FYCO1: variants seen among roughly 807,000 people sequenced by gnomAD.
FYCO1 encodes the protein FYVE and coiled-coil domain-containing protein 1.
FYCO1 carries 122 observed loss-of-function variants against 165.1 expected under a neutral mutation model. The observed-to-expected ratio is 0.74, with a 90% CI of 0.64 to 0.86. FYCO1 has a LOEUF of 0.86. Among genes scored for constraint, FYCO1 ranks in the 40% least tolerant of loss-of-function variants. FYCO1 has a pLI of 0.00. For synonymous variants in FYCO1, 648 were observed against 742.5 expected (o/e 0.87, Z 2.07); for missense variants, 1,702 against 1,810.3 (o/e 0.94, Z 1.09).
Position 45,967,268 on chromosome 3 carries a change from T to C in FYCO1, c.2066A>G (p.Glu689Gly), listed in dbSNP as rs1427277904. ...CTCTGCCATCTGGGCTTTCATGGCC[T>C]CCTTGGCCTTCCTTACAGCCAGCAA... ...ASLLAVRKAK[E>G]AMKAQMAEKE... Residue 689 changes from glutamate to glycine, a missense_variant, in exon 8 of 18, where the codon GAG (glutamate) becomes GGG (glycine). Physicochemically the swap from Glu to Gly is moderately conservative, Grantham distance 98. Transcript: ENST00000296137. 6.2e-7 allele frequency: 1 copy of C among 1,614,018 alleles called. No homozygotes were observed. Among genetic ancestry groups the C allele is most frequent in the Non-Finnish European group, 8.5e-7 (1 of 1,179,936 alleles).
intron 16 of FYCO1, among the ~76,000 whole-genome samples, chr3:45,924,931 A>T (rs1157325700): frequency 1.3e-5 from 1 of 78,512 alleles, no homozygotes; most frequent in Non-Finnish European, 2.7e-5. Flanking sequence ...CCAACATTTA[A>T]AAAAAATTTT....
intron 1 of FYCO1, among the ~76,000 whole-genome samples, chr3:45,992,591 T>C (rs1707611480): frequency 6.6e-6 from 1 of 152,246 alleles, no homozygotes; most frequent in Non-Finnish European, 1.5e-5. Flanking sequence ...CTATCTGTCC[T>C]GGGGAAGTCA....
At chr3:45,987,249 A>G (rs1707356493) in intron 1 of FYCO1, among the ~76,000 whole-genome samples, 1 of 152,196 alleles carries the variant, frequency 6.6e-6, no homozygotes. Flanking sequence ...TCTGACTACA[A>G]AGGAGCACAG....
intron 15 of FYCO1, among the ~76,000 whole-genome samples, chr3:45,932,240 T>C (rs535656157): frequency 6.6e-6 from 1 of 152,320 alleles, no homozygotes; most frequent in Admixed American, 6.5e-5. Flanking sequence ...CTCATGATCA[T>C]GGAGACAGAG....
chr3:45,951,445 G>C (rs1043760565), intron 14 of FYCO1, among the ~76,000 whole-genome samples: 7 of 152,318 alleles, frequency 4.6e-5, no homozygotes, highest in Admixed American at 4.6e-4. Context: ...CTGCTCATCT[G>C]GTAGCTAGAG....
Position 45,967,840 on chromosome 3 carries a change from C to T in FYCO1, c.1494G>A (p.Gln498=), listed in dbSNP as rs1487349829. ...AELRREKKQQ[Q]EEKELLEQEV... ...CCTGCTCCAGCAGCTCCTTCTCCTC[C>T]TGTTGCTGTTTTTTCTCCCGCCTCA... The change falls in exon 8 of 18, where the codon CAG becomes CAA. Residue 498 remains glutamine (Q), a synonymous_variant. Coordinates refer to ENST00000296137, the MANE Select transcript of FYCO1 (RefSeq NM_024513.4). 2 of 1,614,126 alleles carry T rather than the reference C, an allele frequency of 1.2e-6. No individual in the cohort carries two copies. The highest frequency in any genetic ancestry group is 8.5e-7 in the Non-Finnish European group (1 of 1,180,024).
chr3:45,982,591 T>C (rs1249541008), intron 2 of FYCO1, among the ~76,000 whole-genome samples: 1 of 150,344 alleles, frequency 6.7e-6, no homozygotes, highest in Non-Finnish European at 1.5e-5. Context: ...ATCGAGACAC[T>C]GGATTTGGTT....
intron 1 of FYCO1, among the ~76,000 whole-genome samples, chr3:45,994,336 A>C (rs1323895044): frequency 6.6e-6 from 1 of 152,354 alleles, no homozygotes; most frequent in African/African-American, 2.4e-5. Context: ...AAACAATTTA[A>C]AAAGTAAATG....
At chr3:45,975,488 C>A in intron 4 of FYCO1, 143 bp from the exon 5 acceptor site, 1 of 699,128 alleles carries the variant, frequency 1.4e-6, no homozygotes. Context: ...CTTCAAAGGA[C>A]ACAACACATT....
At chr3:45,960,395 C>G (rs200153452) in intron 11 of FYCO1, among the ~76,000 whole-genome samples, 1 of 152,158 alleles carries the variant, frequency 6.6e-6, no homozygotes, top group African/African-American at 2.4e-5. Context: ...GATCTTTTGC[C>G]TTAAATAAAA....
At chr3:45,956,852 T>C (rs1392364877) in intron 13 of FYCO1, among the ~76,000 whole-genome samples, 3 of 152,216 alleles carry the variant, frequency 2.0e-5, no homozygotes, top group Admixed American at 2.0e-4. Context: ...GCAATCTCAA[T>C]TTAAATATCA....
In FYCO1 at chr3:45,967,820, T is replaced by C; in HGVS notation, c.1514A>G (p.Glu505Gly). 6.2e-7 allele frequency: 1 copy of C among 1,614,102 alleles called. No homozygotes were observed. The highest frequency in any genetic ancestry group is 8.5e-7 in the Non-Finnish European group (1 of 1,180,034). The change falls in exon 8 of 18, where the codon GAG becomes GGG. Residue 505 changes from glutamate to glycine, a missense_variant. By Grantham distance (98) the Glu-to-Gly change is moderately conservative. Transcript: ENST00000296137. The part of the protein sequence containing the change: ...KQQQEEKELL[E>G]QEVRSLTRQL... ...CCGGGTCAGAGACCTGACCTCCTGC[T>C]CCAGCAGCTCCTTCTCCTCCTGTTG... is the stretch of plus-strand genomic sequence containing the variant.
In FYCO1 at chr3:45,968,667, G is replaced by A; in HGVS notation, c.667C>T (p.Pro223Ser). The A allele has an allele frequency of 6.2e-7, 1 of 1,614,178 alleles. No homozygotes were observed. The highest frequency in any genetic ancestry group is 8.5e-7 in the Non-Finnish European group (1 of 1,180,032). The change falls in exon 8 of 18, where the codon CCC (proline) becomes TCC (serine). Residue 223 changes from proline to serine, a missense_variant. Transcript: ENST00000296137. ...CCCTCCAATGCCTCGTTGTTTAGGGGGCTGTTCAGGTCAAAGTTGGACACC... is the reference window on the plus strand; with the variant it reads ...CCCTCCAATGCCTCGTTGTTTAGGGAGCTGTTCAGGTCAAAGTTGGACACC... ...EMVSNFDLNSPLNNEALEGFD... is the reference protein window; with the variant it reads ...EMVSNFDLNSSLNNEALEGFD...
chr3:45,986,283 T>C (rs549151933), intron 1 of FYCO1, among the ~76,000 whole-genome samples: 92 of 152,302 alleles, frequency 6.0e-4, no homozygotes, highest in African/African-American at 2.2e-3. Context: ...CTCGAGGTAC[T>C]ACCATGAACT....
At position 45,966,417 on chromosome 3, in the gene FYCO1, C is replaced by T. The variant is rs369064639; in HGVS notation, c.2917G>A (p.Gly973Ser). ...EKLKAAKAAA[G>S]SLPGLQAQLA... ...TGGGCCTGCAGGCCAGGCAGTGAGC[C>T]GGCTGCTGCCTTGGCCGCCTTCAGC... Residue 973 changes from glycine to serine, a missense_variant, in exon 8 of 18, where the codon GGC (glycine) becomes AGC (serine). Gly to Ser is a moderately conservative substitution (Grantham distance 56). Transcript: ENST00000296137. The T allele has an allele frequency of 1.2e-4, 198 of 1,613,272 alleles. 1 individual carries two copies. The South Asian group carries it at 1.5e-3, about 13-fold the overall frequency.
At chr3:45,947,248 C>T in intron 14 of FYCO1, 1 of 1,614,178 alleles carries the variant, frequency 6.2e-7, no homozygotes, top group South Asian at 1.1e-5. Flanking sequence ...ATCCGCAGCA[C>T]ACACTGGGAA....
rs886857546 is a variant in FYCO1 at position 45,931,219 on chromosome 3, A to C, written c.4103T>G (p.Phe1368Cys). Reference protein sequence around the residue: ...ASFGEGSRELFVRSSTYSLIP... With the variant: ...ASFGEGSRELCVRSSTYSLIP... ...CAGGCTGTAGGTGCTGGACCTCACA[A>C]ACAGCTCCCTGCTACCCTCCCCGAA... Residue 1368 changes from phenylalanine (F) to cysteine (C), a missense_variant, in exon 16 of 18, where the codon TTT becomes TGT. By Grantham distance (205) the Phe-to-Cys change is radical (BLOSUM62 -2). Transcript: ENST00000296137. The C allele has an allele frequency of 6.2e-7, 1 of 1,614,042 alleles. No individual in the cohort carries two copies.
intron 4 of FYCO1, among the ~76,000 whole-genome samples, chr3:45,977,542 T>C (rs894729123): frequency 6.6e-6 from 1 of 151,352 alleles, no homozygotes; most frequent in East Asian, 1.9e-4. Flanking sequence ...AATTCCTTAA[T>C]TTTTTTTAGC....
chr3:45,929,462 T>C (rs1459270976), intron 16 of FYCO1, among the ~76,000 whole-genome samples: 1 of 152,190 alleles, frequency 6.6e-6, no homozygotes, highest in Non-Finnish European at 1.5e-5. Flanking sequence ...CTTCCCTCCC[T>C]GCCACAAACA....
Sources: allele counts gnomAD v4.1 joint callset (sites outside exome capture counted in the v4.1 genomes callset), GRCh38; gene constraint gnomAD v4.1.1; transcripts MANE v1.5; gene names NCBI Gene and HGNC (gene_info 2026-07-23, HGNC 2026-07-21).